NAV3: variants seen among roughly 807,000 people sequenced by gnomAD.
NAV3 encodes pore membrane and/or filament interacting like protein 1.
In NAV3, 87 loss-of-function variants were observed where a neutral mutation model predicts 244.7. The ratio of observed to expected loss-of-function variants is 0.36; its 90% confidence interval spans 0.30 to 0.42. The LOEUF (loss-of-function observed/expected upper bound fraction) is 0.42. Ranked by LOEUF, NAV3 falls within the 20% of genes least tolerant of loss-of-function variation. The pLI is 1.00. For missense variants in NAV3, 2,663 were observed against 2,893.3 expected, an observed-to-expected ratio of 0.92 and a Z score of 1.83; for synonymous variants, 1,126 against 1,042.2, an observed-to-expected ratio of 1.08 and a Z score of -1.55.
chr12:78,146,273 TAAA>T (rs1956860018), intron 20 of NAV3, 93 bp from the exon 21 acceptor site: 1 of 448,182 alleles, frequency 2.2e-6, no homozygotes, highest in Non-Finnish European at 3.7e-6. Flanking sequence ...TAGTAGATAA[TAAA>T]AAGTACATCA....
chr12:77,619,298 T>C (rs1000976115), intron 2 of NAV3, among the ~76,000 whole-genome samples: 19 of 152,194 alleles, frequency 1.2e-4, no homozygotes, highest in African/African-American at 3.4e-4. Context: ...AAATAACTTA[T>C]GTCCATCAAT....
At chr12:77,731,974 C>T (rs559379934) in intron 2 of NAV3, among the ~76,000 whole-genome samples, 1 of 151,416 alleles carries the variant, frequency 6.6e-6, no homozygotes, top group East Asian at 1.9e-4. Flanking sequence ...GGGAGGAGCT[C>T]GAATAGGTTT....
At chr12:77,868,841 G>A (rs889969038) in intron 1 of NAV3, among the ~76,000 whole-genome samples, 3 of 150,916 alleles carry the variant, frequency 2.0e-5, no homozygotes, top group African/African-American at 4.9e-5. Context: ...AGGCCAAGGC[G>A]AGCGGATTGC....
chr12:78,071,095 A>G (rs1166941266), intron 12 of NAV3, among the ~76,000 whole-genome samples: 1 of 151,964 alleles, frequency 6.6e-6, no homozygotes, highest in Non-Finnish European at 1.5e-5. Context: ...GTCAAATGGT[A>G]TTTCCAGTTC....
chr12:78,119,205 G>T (rs1336714490), intron 14 of NAV3, 32 bp from the exon 15 acceptor site: 2 of 1,576,812 alleles, frequency 1.3e-6, no homozygotes, highest in Non-Finnish European at 1.7e-6. Context: ...AACTCTACAG[G>T]CACATATATT....
intron 12 of NAV3, among the ~76,000 whole-genome samples, chr12:78,101,215 C>T (rs1484970039): frequency 6.6e-6 from 1 of 152,144 alleles, no homozygotes; most frequent in Non-Finnish European, 1.5e-5. Context: ...AATCTGCTTC[C>T]CCCACCATAA....
At chr12:77,796,856 T>TA (rs398116634) in intron 2 of NAV3, among the ~76,000 whole-genome samples, 57 of 152,110 alleles carry the variant, frequency 3.7e-4, no homozygotes, top group African/African-American at 1.1e-3. Flanking sequence ...TTTTTTTTTT[T>TA]AAATATAATG....
chr12:77,806,847 C>T (rs2135987302), intron 2 of NAV3, among the ~76,000 whole-genome samples: 1 of 152,292 alleles, frequency 6.6e-6, no homozygotes, highest in Admixed American at 6.5e-5. Flanking sequence ...AATCTGGGTG[C>T]TCCTGTATTG....
intron 1 of NAV3, among the ~76,000 whole-genome samples, chr12:77,838,440 G>A (rs1875041228): frequency 2.0e-5 from 3 of 152,118 alleles, no homozygotes; most frequent in Admixed American, 2.0e-4. Flanking sequence ...TATTAAAATT[G>A]TTGATGCTAA....
At chr12:77,968,391 C>A in intron 4 of NAV3, 128 bp from the exon 5 acceptor site, 1 of 737,938 alleles carries the variant, frequency 1.4e-6, no homozygotes, top group Non-Finnish European at 2.3e-6. Context: ...TGTGATTCAA[C>A]TGTGACTGAG....
intron 1 of NAV3, among the ~76,000 whole-genome samples, chr12:77,908,936 A>G (rs1886290760): frequency 6.6e-6 from 1 of 152,060 alleles, no homozygotes; most frequent in Non-Finnish European, 1.5e-5. Context: ...AGTAACATAG[A>G]TGTGGAAATG....
chr12:78,129,568 G>T (rs982251680), intron 18 of NAV3, among the ~76,000 whole-genome samples: 5 of 152,036 alleles, frequency 3.3e-5, no homozygotes, highest in African/African-American at 1.2e-4. Context: ...AGCACTCTGA[G>T]TAACAAAATA....
At chr12:78,143,171 G>A (rs1956702577) in intron 20 of NAV3, among the ~76,000 whole-genome samples, 1 of 152,074 alleles carries the variant, frequency 6.6e-6, no homozygotes. Flanking sequence ...GTGACATCAG[G>A]CAAGTTGCCA....
At chr12:77,803,453 G>T (rs1478913415) in intron 2 of NAV3, among the ~76,000 whole-genome samples, 1 of 152,152 alleles carries the variant, frequency 6.6e-6, no homozygotes, top group Non-Finnish European at 1.5e-5. Flanking sequence ...CATGGGACAT[G>T]AACTCATCCT....
At chr12:77,979,725 A>T (rs1483450622) in intron 5 of NAV3, among the ~76,000 whole-genome samples, 1 of 151,132 alleles carries the variant, frequency 6.6e-6, no homozygotes, top group African/African-American at 2.4e-5. Context: ...AAAAAAAAAA[A>T]AGCCTTCTCT....
intron 9 of NAV3, among the ~76,000 whole-genome samples, chr12:78,022,836 C>G (rs1283976707): frequency 2.0e-5 from 3 of 152,122 alleles, no homozygotes; most frequent in African/African-American, 7.2e-5. Context: ...ACAACAATTA[C>G]AGAACAACAT....
At chr12:77,693,774 C>CT (rs1222096958) in intron 2 of NAV3, among the ~76,000 whole-genome samples, 1 of 152,072 alleles carries the variant, frequency 6.6e-6, no homozygotes, top group East Asian at 1.9e-4. Context: ...CTGCTCTGGA[C>CT]TTTCACTCTT....
intron 2 of NAV3, among the ~76,000 whole-genome samples, chr12:77,805,716 G>A (rs941804841): frequency 5.9e-5 from 9 of 152,216 alleles, no homozygotes; most frequent in African/African-American, 2.2e-4. Flanking sequence ...TTTTTCTATT[G>A]ATTGGAATAG....
chr12:77,693,686 C>T (rs2137169885), intron 2 of NAV3, among the ~76,000 whole-genome samples: 1 of 152,140 alleles, frequency 6.6e-6, no homozygotes, highest in African/African-American at 2.4e-5. Context: ...TTTGCTATGC[C>T]TGATTGGCCT....
Sources: gnomAD v4.1 joint callset for allele counts (sites outside exome capture counted in the v4.1 genomes callset) on GRCh38, gnomAD v4.1.1 for gene constraint, MANE v1.5 for transcripts, NCBI Gene and HGNC (gene_info 2026-07-23, HGNC 2026-07-21) for gene names.